OTOGL: variants seen among roughly 807,000 people sequenced by gnomAD.
OTOGL encodes otogelin-like protein.
OTOGL carries 285 observed loss-of-function variants against 318.5 expected under a neutral mutation model. The ratio of observed to expected loss-of-function variants is 0.89; its 90% CI spans 0.81 to 0.99. The LOEUF is 0.99. Among genes scored for constraint, OTOGL ranks in the 50% least tolerant of loss-of-function variants. The probability of loss-of-function intolerance (pLI) is 0.00; values close to 1 mark genes in which losing one functional copy is unlikely to be tolerated. For missense variants in OTOGL, 2,899 were observed against 2,845.6 expected, an observed-to-expected ratio of 1.02 and a Z score of -0.43; for synonymous variants, 987 against 936.5, an observed-to-expected ratio of 1.05 and a Z score of -0.99.
intron 28 of OTOGL, 54 bp downstream of exon 28, chr12:80,302,837 T>A (rs1040065281): frequency 2.3e-6 from 3 of 1,278,618 alleles, no homozygotes; most frequent in Middle Eastern, 2.2e-4. Context: ...ACATTTAGTT[T>A]TTGATGTTTG....
chr12:80,192,754 C>T (rs1473719292), intron 1 of OTOGL, among the ~76,000 whole-genome samples: 1 of 151,846 alleles, frequency 6.6e-6, no homozygotes, highest in Admixed American at 6.5e-5. Context: ...GGGGAAATAC[C>T]GTCAAATTAA....
rs1036677659 is a variant in OTOGL at position 80,266,494 on chromosome 12, G to A, written c.2268G>A (p.Ser756=). Residue 756 remains serine, a synonymous_variant, in exon 21 of 59, where the codon TCG becomes TCA. Transcript: ENST00000547103. ...GCATGCTGTACCATCACTGTTCCTCGTTCTGCCTCCATTCCTGCATTTCTC... is the reference window on the plus strand; with the variant it reads ...GCATGCTGTACCATCACTGTTCCTCATTCTGCCTCCATTCCTGCATTTCTC... ...QKGMLYHHCS[S]FCLHSCISLS... 22 of 1,613,366 alleles carry A rather than the reference G, an allele frequency of 1.4e-5. No homozygotes were observed. The highest frequency in any genetic ancestry group is 4.0e-5 in the African/African-American group (3 of 74,872).
Position 80,333,031 on chromosome 12 carries a change from A to G in OTOGL, c.4375A>G (p.Ile1459Val), listed in dbSNP as rs905383268. 6.2e-7 allele frequency: 1 copy of G among 1,601,566 alleles called. No individual in the cohort carries two copies. Among genetic ancestry groups the G allele is most frequent in the Non-Finnish European group, 8.5e-7 (1 of 1,173,040 alleles). Residue 1459 changes from isoleucine to valine, a missense_variant, in exon 38 of 59, where the codon ATC becomes GTC. Ile to Val is a conservative substitution (Grantham distance 29). Transcript: ENST00000547103. ...TTGGGAAATGATTACTCCATCAGAC[A>G]TCACTGTGTTTGATATGCTAACACC... ...TVWEMITPSD[I>V]TVFDMLTPTT...
At position 80,266,445 on chromosome 12, in the gene OTOGL, C is replaced by T; in HGVS notation, c.2225-6C>T. On this transcript the variant is annotated splice_polypyrimidine_tract_variant and splice_region_variant and intron_variant, in intron 20 of 58. Coordinates refer to ENST00000547103, the MANE Select transcript of OTOGL (RefSeq NM_001378609.3). Reference sequence around the variant, plus strand: ...TCTTTCTCAAGTGATACTTCTTTGTCCTTAGCTGTGGTGTGCCAGAAGGGC... The same window carrying T: ...TCTTTCTCAAGTGATACTTCTTTGTTCTTAGCTGTGGTGTGCCAGAAGGGC... The T allele has an allele frequency of 6.2e-7, 1 of 1,613,090 alleles. No individual in the cohort carries two copies. Among genetic ancestry groups the T allele is most frequent in the Non-Finnish European group, 8.5e-7 (1 of 1,179,430 alleles).
intron 2 of OTOGL, 52 bp downstream of exon 2, chr12:80,209,562 T>C: frequency 8.1e-7 from 1 of 1,230,172 alleles, no homozygotes; most frequent in Non-Finnish European, 1.1e-6. Flanking sequence ...TTTGTTTCTC[T>C]TACAATTTAT....
intron 1 of OTOGL, among the ~76,000 whole-genome samples, chr12:80,129,533 C>T (rs183529536): frequency 5.6e-4 from 86 of 152,272 alleles, no homozygotes; most frequent in African/African-American, 2.0e-3. Flanking sequence ...AGAAGAAACA[C>T]CATTTTACAG....
intron 46 of OTOGL, among the ~76,000 whole-genome samples, chr12:80,355,228 T>C (rs11338449): frequency 0.26 from 9,370 of 36,272 alleles, 1,565 homozygotes; most frequent in African/African-American, 0.41. Context: ...TTCTTTCTTT[T>C]CTTTTTTTTT....
Position 80,320,623 on chromosome 12 carries a change from TCA to T in OTOGL, c.4007_4008del (p.Thr1336ArgfsTer3). 6.2e-7 allele frequency: 1 copy of T among 1,611,174 alleles called. No homozygotes were observed. The highest frequency in any genetic ancestry group is 2.2e-5 in the East Asian group (1 of 44,852). On this transcript the variant is annotated frameshift_variant, in exon 34 of 59. Transcript: ENST00000547103. LOFTEE classifies it high-confidence loss of function. ...AGCAAGAAAGGCTTTTTCATCATAT[TCA>T]CAGATTCTAGTGTCAAAGCATCAAA... is the stretch of plus-strand genomic sequence containing the variant.
chr12:80,311,121 A>G (rs911729199), intron 30 of OTOGL, among the ~76,000 whole-genome samples: 1 of 152,240 alleles, frequency 6.6e-6, no homozygotes, highest in African/African-American at 2.4e-5. Context: ...AAATGTTTTT[A>G]GAAGCACATC....
chr12:80,102,915 A>G (rs141775281), intron 1 of OTOGL: 8 of 821,414 alleles, frequency 9.7e-6, no homozygotes, highest in Non-Finnish European at 1.7e-5. Flanking sequence ...CATCTTCTCA[A>G]TTGTTTCTTC....
chr12:80,248,953 G>A (rs572974349), intron 11 of OTOGL, among the ~76,000 whole-genome samples: 14 of 147,248 alleles, frequency 9.5e-5, no homozygotes, highest in East Asian at 5.9e-4. Context: ...CCATTTGATC[G>A]CATCGGCTCC....
rs76575303 is a variant in OTOGL at position 80,333,471 on chromosome 12, T to C, written c.4422+393T>C. ...CATTGTCTCCTAGAACTAGTAGTTT[T>C]CTCTCCTAAGAGTTGGGCAGAGATC... On this transcript the variant is annotated intron_variant, in intron 38 of 58. Coordinates refer to ENST00000547103, the MANE Select transcript of OTOGL (RefSeq NM_001378609.3). 4.4e-3 allele frequency among the ~76,000 whole-genome samples: 672 copies of C among 152,098 alleles called. 5 individuals are homozygous for C. The highest frequency in any genetic ancestry group is 1.0e-2 in the South Asian group (48 of 4,816).
In OTOGL at chr12:80,378,690, A is replaced by G. The variant is rs1356097017; in HGVS notation, c.*642A>G. The G allele has an allele frequency of 6.6e-6, 1 of 152,100 alleles. No homozygotes were observed. Among genetic ancestry groups the G allele is most frequent in the Non-Finnish European group, 1.5e-5 (1 of 67,972 alleles). The allele number at this position is 152,100 out of a possible 1,614,324, so 9.4% of individuals were successfully genotyped here. On this transcript the variant is annotated 3_prime_UTR_variant, in exon 59 of 59. Coordinates refer to ENST00000547103, the MANE Select transcript of OTOGL (RefSeq NM_001378609.3). ...TTGGATTAAATCCTAGCTCTCTCTT[A>G]TTCCAGTACTATATCACTTTTAAAA...
At chr12:80,326,450 T>C (rs960192871) in intron 35 of OTOGL, among the ~76,000 whole-genome samples, 7 of 152,294 alleles carry the variant, frequency 4.6e-5, no homozygotes, top group Admixed American at 1.3e-4. Flanking sequence ...ATGTTGATGA[T>C]AAAGACATTT....
At chr12:80,327,984 AAG>A (rs1565987045) in intron 35 of OTOGL, among the ~76,000 whole-genome samples, 1 of 125,100 alleles carries the variant, frequency 8.0e-6, no homozygotes, top group Non-Finnish European at 1.7e-5. Flanking sequence ...AAAAAAAAAA[AAG>A]AGTGGAAAGC....
rs139213233 is a variant in OTOGL at position 80,302,436 on chromosome 12, G to A, written c.3064-198G>A. Among the ~76,000 whole-genome samples, 67 of 152,146 alleles carry A rather than the reference G, an allele frequency of 4.4e-4. 1 individual carries two copies. The highest frequency in any genetic ancestry group is 1.4e-3 in the African/African-American group (59 of 41,504). ...CCATGTGGGGTCCATCTGCTAGTTC[G>A]TGTCTGGTAATCAATATTTATGTAT... On this transcript the variant is annotated intron_variant, in intron 27 of 58. Transcript: ENST00000547103.
intron 13 of OTOGL, among the ~76,000 whole-genome samples, 191 bp from the exon 14 acceptor site, chr12:80,253,275 A>G (rs911706333): frequency 2.6e-5 from 4 of 152,188 alleles, no homozygotes; most frequent in Non-Finnish European, 4.4e-5. Context: ...ATTGAAAACT[A>G]CTGAAATAGA....
chr12:80,365,906 G>A (rs1309776099), intron 52 of OTOGL, among the ~76,000 whole-genome samples: 1 of 152,090 alleles, frequency 6.6e-6, no homozygotes, highest in Non-Finnish European at 1.5e-5. Context: ...TTTAAGCCTG[G>A]TCCTGTATTT....
At chr12:80,152,085 T>A (rs955018590) in intron 1 of OTOGL, among the ~76,000 whole-genome samples, 1 of 152,050 alleles carries the variant, frequency 6.6e-6, no homozygotes, top group African/African-American at 2.4e-5. Flanking sequence ...CATCTTAGAG[T>A]CATCTGGCAC....
Sources: allele counts gnomAD v4.1 joint callset (sites outside exome capture counted in the v4.1 genomes callset), GRCh38; gene constraint gnomAD v4.1.1; transcripts MANE v1.5; gene names NCBI Gene and HGNC (gene_info 2026-07-23, HGNC 2026-07-21).